SLC29A4: variants seen among roughly 807,000 people sequenced by gnomAD.
SLC29A4 encodes solute carrier family 29 member 4, also known as equilibrative nucleoside transporter 4.
SLC29A4 carries 36 observed loss-of-function variants against 43.9 expected under a neutral mutation model. The observed-to-expected ratio is 0.82, with a 90% CI of 0.63 to 1.08. The LOEUF (loss-of-function observed/expected upper bound fraction) is 1.08, where lower values mean the gene tolerates loss of function less well. Ranked by LOEUF, SLC29A4 falls within the 50% of genes least tolerant of loss-of-function variation. The probability of loss-of-function intolerance (pLI) is 0.00; values close to 1 mark genes in which losing one functional copy is unlikely to be tolerated. For missense variants in SLC29A4, 869 were observed against 755.3 expected (o/e 1.15, Z -1.77); for synonymous variants, 491 against 338.0 (o/e 1.45, Z -4.97).
chr7:5,286,437 C>G (rs543829175), intron 1 of SLC29A4, among the ~76,000 whole-genome samples: 1 of 151,454 alleles, frequency 6.6e-6, no homozygotes, highest in South Asian at 2.1e-4. Flanking sequence ...GCAGAAGAAT[C>G]GCTGGAACCC....
At position 5,302,929 on chromosome 7, in the gene SLC29A4, C is replaced by A. The variant is rs750541052; in HGVS notation, c.1583C>A (p.Ala528Glu). The change falls in exon 11 of 11, where the codon GCA becomes GAA. Residue 528 changes from alanine (A) to glutamate (E), a missense_variant. Coordinates refer to ENST00000396872, the MANE Select transcript of SLC29A4 (RefSeq NM_153247.4). ...HASTANGSILAGL is the reference protein window; with the variant it reads ...HASTANGSILEGL ...TCCACCGCCAATGGTTCCATCCTCGCAGGCCTCTGAGCCAGCCCCGCCCAC... is the reference window on the plus strand; with the variant it reads ...TCCACCGCCAATGGTTCCATCCTCGAAGGCCTCTGAGCCAGCCCCGCCCAC... The A allele has an allele frequency of 3.3e-5, 53 of 1,606,688 alleles. No homozygotes were observed. The Admixed American group carries it at 8.6e-4, about 26-fold the overall frequency.
At chr7:5,286,028 CAA>C (rs1784923384) in intron 1 of SLC29A4, among the ~76,000 whole-genome samples, 1 of 151,324 alleles carries the variant, frequency 6.6e-6, no homozygotes, top group Admixed American at 6.6e-5. Context: ...AAACAAAAAA[CAA>C]AAAAATCAAG....
chr7:5,293,798 C>T (rs376210584), intron 5 of SLC29A4, among the ~76,000 whole-genome samples: 1 of 152,078 alleles, frequency 6.6e-6, no homozygotes, highest in Admixed American at 6.6e-5. Flanking sequence ...GGCCACTGCA[C>T]CCAGCTAATT....
At chr7:5,292,689 CCTTTTT>C (rs1785381362) in intron 5 of SLC29A4, among the ~76,000 whole-genome samples, 1 of 85,734 alleles carries the variant, frequency 1.2e-5, no homozygotes, top group Non-Finnish European at 2.4e-5. Context: ...ACATTTTTTT[CCTTTTT>C]TTTTTTTTTT....
chr7:5,300,393 A>G (rs201633438), intron 9 of SLC29A4, 29 bp from the exon 10 acceptor site: 24 of 1,609,928 alleles, frequency 1.5e-5, no homozygotes, highest in Non-Finnish European at 2.0e-5. Context: ...TGGCCGGGAC[A>G]GGGCGCCCAC....
In SLC29A4 at chr7:5,300,406, G is replaced by C; in HGVS notation, c.1210-16G>C. 6.2e-7 allele frequency: 1 copy of C among 1,610,700 alleles called. No homozygotes were observed. Among genetic ancestry groups the C allele is most frequent in the African/African-American group, 1.3e-5 (1 of 74,952 alleles). The stretch of plus-strand genomic sequence containing the variant: ...TGTGGCCGGGACAGGGCGCCCACTT[G>C]CCTGGCTCTCTGCAGATCCTGGCAG... On this transcript the variant is annotated splice_polypyrimidine_tract_variant and intron_variant, in intron 9 of 10. Coordinates refer to ENST00000396872, the MANE Select transcript of SLC29A4 (RefSeq NM_153247.4).
At chr7:5,296,383 G>T (rs1023838976) in intron 6 of SLC29A4, among the ~76,000 whole-genome samples, 1 of 150,814 alleles carries the variant, frequency 6.6e-6, no homozygotes, top group Admixed American at 6.6e-5. Flanking sequence ...GCCCCATGGT[G>T]GGGGTGTGTG....
At chr7:5,291,382 A>G (rs2128088167) in intron 4 of SLC29A4, 145 bp downstream of exon 4, 1 of 847,242 alleles carries the variant, frequency 1.2e-6, no homozygotes, top group Non-Finnish European at 1.8e-6. Flanking sequence ...GGTCTGGTGT[A>G]AGACACCGTG....
chr7:5,286,827 G>A lies in SLC29A4; in HGVS notation c.-8-982G>A, dbSNP rs115603838. Among the ~76,000 whole-genome samples the A allele has an allele frequency of 5.0e-3, 769 of 152,292 alleles. 5 individuals are homozygous for A. The highest frequency in any genetic ancestry group is 0.017 in the African/African-American group (719 of 41,560). ...CCCACTTTCTGCCTGTGAGACCAAG[G>A]GGTTTCTCACTTTCCTCAGCTGAAA... On this transcript the variant is annotated intron_variant, in intron 1 of 10. Transcript: ENST00000396872.
rs1219470681 is a variant in SLC29A4, at chr7:5,302,834, G to A, written c.1488G>A (p.Thr496=). The A allele has an allele frequency of 1.9e-5, 30 of 1,578,094 alleles. No individual in the cohort carries two copies. The highest frequency in any genetic ancestry group is 2.4e-5 in the Non-Finnish European group (28 of 1,162,326). ...TMTVSYMSGL[T]LGSAVAYCTY... is the part of the protein sequence containing the mutation. Reference sequence around the variant, plus strand: ...CCGTGTCCTACATGTCAGGGCTGACGCTGGGGTCCGCCGTGGCCTACTGCA... The same window carrying A: ...CCGTGTCCTACATGTCAGGGCTGACACTGGGGTCCGCCGTGGCCTACTGCA... Residue 496 remains threonine (T), a synonymous_variant, in exon 11 of 11, where the codon ACG becomes ACA. Coordinates refer to ENST00000396872, the MANE Select transcript of SLC29A4 (RefSeq NM_153247.4).
rs1250942600 is a variant in SLC29A4 at position 5,289,681 on chromosome 7, A to G, written c.170-1051A>G. Among the ~76,000 whole-genome samples, 5 of 152,052 alleles carry G rather than the reference A, an allele frequency of 3.3e-5. No homozygotes were observed. In the East Asian group the frequency reaches 9.7e-4, roughly 29 times the overall value. On this transcript the variant is annotated intron_variant, in intron 2 of 10. Transcript: ENST00000396872. ...TACTTCAGCTTGTCAAGGTGACCAT[A>G]AACAGACCATCACGGTCCCCCCCTT...
intron 1 of SLC29A4, among the ~76,000 whole-genome samples, chr7:5,286,946 C>T (rs1376705644): frequency 2.6e-5 from 4 of 152,260 alleles, no homozygotes; most frequent in African/African-American, 9.6e-5. Context: ...CTTCCAACTG[C>T]TCCCCAAGTC....
At chr7:5,290,649 C>T (rs1583655611) in intron 2 of SLC29A4, 83 bp from the exon 3 acceptor site, 10 of 1,524,788 alleles carry the variant, frequency 6.6e-6, no homozygotes, top group South Asian at 2.5e-5. Flanking sequence ...GTGATGGCGG[C>T]CGGGGTGGTG....
At chr7:5,283,509 C>T (rs1045145739) in intron 1 of SLC29A4, among the ~76,000 whole-genome samples, 2 of 152,140 alleles carry the variant, frequency 1.3e-5, no homozygotes, top group African/African-American at 4.8e-5. Flanking sequence ...CTGTCCTTTG[C>T]CTGGGGGCGC....
At chr7:5,288,423 G>C (rs1562442091) in intron 2 of SLC29A4, among the ~76,000 whole-genome samples, 1 of 144,492 alleles carries the variant, frequency 6.9e-6, no homozygotes, top group African/African-American at 2.6e-5. Context: ...TCCTGCCTCA[G>C]CCTCCCAAGT....
chr7:5,291,977 C>T (rs1785338924), intron 5 of SLC29A4, among the ~76,000 whole-genome samples, 156 bp downstream of exon 5: 1 of 152,248 alleles, frequency 6.6e-6, no homozygotes, highest in Non-Finnish European at 1.5e-5. Context: ...TGCACACCGG[C>T]TCACACCCAC....
At chr7:5,287,750 G>A in intron 1 of SLC29A4, 59 bp from the exon 2 acceptor site, 3 of 1,548,612 alleles carry the variant, frequency 1.9e-6, no homozygotes, top group Non-Finnish European at 2.6e-6. Context: ...GTCAGTGCAT[G>A]AGCCATGGAT....
intron 10 of SLC29A4, among the ~76,000 whole-genome samples, chr7:5,302,017 C>G (rs922521877): frequency 2.6e-5 from 4 of 152,126 alleles, no homozygotes; most frequent in African/African-American, 9.7e-5. Flanking sequence ...GTGGCACGAT[C>G]TCAGCTCACT....
rs1785288599 is a variant in SLC29A4, at chr7:5,291,221, C to T, written c.399C>T (p.His133=). ...NNVLVERLTL[H]TRITAGYLLA... ...TCCTGGTGGAGAGACTGACCCTGCA[C>T]ACCAGGATCACCGCAGGTGCGCTGG... Residue 133 remains histidine (H), a synonymous_variant, in exon 4 of 11, where the codon CAC becomes CAT. Transcript: ENST00000396872. 5.0e-6 allele frequency: 8 copies of T among 1,612,848 alleles called. No homozygotes were observed. The East Asian group carries it at 6.7e-5, about 13-fold the overall frequency.
Sources: gnomAD v4.1 joint callset for allele counts (sites outside exome capture counted in the v4.1 genomes callset) on GRCh38, gnomAD v4.1.1 for gene constraint, MANE v1.5 for transcripts, NCBI Gene and HGNC (gene_info 2026-07-23, HGNC 2026-07-21) for gene names.